Variants in JADE3 observed in about 807,000 individuals in gnomAD.
JADE3 encodes the protein jade family PHD finger 3.
A neutral mutation model predicts 50.1 loss-of-function variants in JADE3; 2 were observed. That is an observed-to-expected ratio of 0.04 (90% CI 0.02 to 0.13). JADE3 has a LOEUF of 0.13. JADE3 is among the 10% of genes least tolerant of loss of function. The pLI is 1.00. For missense variants in JADE3, 475 were observed against 634.4 expected, an observed-to-expected ratio of 0.75 and a Z score of 2.70; for synonymous variants, 218 against 232.9, an observed-to-expected ratio of 0.94 and a Z score of 0.58.
chrX:46,940,781 T>G (rs186306930), intron 1 of JADE3, among the ~76,000 whole-genome samples: 1 of 110,859 alleles, frequency 9.0e-6, no homozygotes, highest in East Asian at 2.8e-4. Context: ...CTCCCCTTCT[T>G]TTCAAAGACC....
Position 47,035,073 on chromosome X carries a change from G to A in JADE3, c.855+1285G>A, listed in dbSNP as rs148383179. On this transcript the variant is annotated intron_variant, in intron 7 of 10. Coordinates refer to ENST00000614628, the MANE Select transcript of JADE3 (RefSeq NM_014735.5). ...ATGTACACTAACTTAATTAAAATGG[G>A]GCTTGAAGACATTTCTTCTTATGGC... Among the ~76,000 whole-genome samples the A allele has an allele frequency of 4.7e-3, 521 of 110,059 alleles. 2 individuals are homozygous for A. The highest frequency in any genetic ancestry group is 0.017 in the African/African-American group (501 of 29,898).
At chrX:46,914,328 C>T (rs1222093948) in intron 1 of JADE3, among the ~76,000 whole-genome samples, 1 of 111,790 alleles carries the variant, frequency 8.9e-6, no homozygotes, top group African/African-American at 3.3e-5. Context: ...GGGTCCCGGC[C>T]TTCGTACCCT....
chrX:47,006,725 G>A (rs966317453), intron 4 of JADE3, among the ~76,000 whole-genome samples: 6 of 109,686 alleles, frequency 5.5e-5, no homozygotes, highest in African/African-American at 2.0e-4. Flanking sequence ...TTGATTTGAA[G>A]CTGTTTCTCT....
chrX:46,924,364 A>G (rs782654256), intron 1 of JADE3, among the ~76,000 whole-genome samples: 6 of 112,263 alleles, frequency 5.3e-5, no homozygotes, highest in Non-Finnish European at 9.4e-5. Flanking sequence ...ATATGCTCGG[A>G]TCCTGTGTCT....
chrX:46,985,844 C>T, intron 3 of JADE3, 52 bp downstream of exon 3: 1 of 808,027 alleles, frequency 1.2e-6, no homozygotes. Flanking sequence ...GGATGCTTGT[C>T]TTCCAAAACC....
chrX:47,018,377 A>C (rs1372286328), intron 4 of JADE3, among the ~76,000 whole-genome samples: 1 of 108,787 alleles, frequency 9.2e-6, no homozygotes, highest in Non-Finnish European at 1.9e-5. Flanking sequence ...TCTGTCACCC[A>C]GGCTGGAGTG....
chrX:46,934,615 A>G (rs1926573736), intron 1 of JADE3, among the ~76,000 whole-genome samples: 1 of 103,879 alleles, frequency 9.6e-6, no homozygotes. Context: ...TTGTATTTTT[A>G]GTAGATGTGA....
chrX:46,991,875 G>T (rs1556356083), intron 3 of JADE3, among the ~76,000 whole-genome samples: 1 of 111,131 alleles, frequency 9.0e-6, no homozygotes, highest in Non-Finnish European at 1.9e-5. Context: ...TAGAGGGTAT[G>T]GGGGAGGGGC....
rs782684870 is a variant in JADE3, at chrX:47,059,016, G to C, written c.2411G>C (p.Arg804Thr). Residue 804 changes from arginine to threonine, a missense_variant, in exon 11 of 11, where the codon AGA (arginine) becomes ACA (threonine). Physicochemically the swap from Arg to Thr is moderately conservative, Grantham distance 71. Transcript: ENST00000614628. ...AGGGAAAATCCTCCCCATGACTCTAGACGGGATTGCCATGGTAAAAGCAAG... is the reference window on the plus strand; with the variant it reads ...AGGGAAAATCCTCCCCATGACTCTACACGGGATTGCCATGGTAAAAGCAAG... ...SDRENPPHDS[R>T]RDCHGKSKTH... The C allele has an allele frequency of 8.3e-7, 1 of 1,206,764 alleles. No individual in the cohort carries two copies. Among genetic ancestry groups the C allele is most frequent in the African/African-American group, 1.7e-5 (1 of 57,165 alleles).
intron 1 of JADE3, among the ~76,000 whole-genome samples, chrX:46,939,417 A>T (rs984983262): frequency 5.4e-5 from 6 of 111,669 alleles, no homozygotes; most frequent in Non-Finnish European, 1.1e-4. Flanking sequence ...ACAGTGAAAT[A>T]TATAAGTATT....
At chrX:46,919,834 T>C (rs1239607974) in intron 1 of JADE3, among the ~76,000 whole-genome samples, 1 of 111,399 alleles carries the variant, frequency 9.0e-6, no homozygotes, top group African/African-American at 3.3e-5. Context: ...TCTCTGACAT[T>C]TTAAAAGTCA....
At chrX:47,005,996 C>T (rs781806821) in intron 4 of JADE3, among the ~76,000 whole-genome samples, 1 of 111,261 alleles carries the variant, frequency 9.0e-6, no homozygotes, top group African/African-American at 3.3e-5. Flanking sequence ...CTCATAATGC[C>T]CCAAATGTCT....
At chrX:46,968,596 A>G (rs1342299500) in intron 1 of JADE3, among the ~76,000 whole-genome samples, 3 of 111,291 alleles carry the variant, frequency 2.7e-5, no homozygotes, top group Non-Finnish European at 5.7e-5. Context: ...AAATGGATGG[A>G]AAAAAAATAT....
intron 1 of JADE3, among the ~76,000 whole-genome samples, chrX:46,942,021 G>A (rs1257074390): frequency 9.1e-6 from 1 of 110,181 alleles, no homozygotes; most frequent in African/African-American, 3.3e-5. Flanking sequence ...GGGATTACAG[G>A]CGTGAGCCAT....
intron 7 of JADE3, 127 bp downstream of exon 7, chrX:47,033,915 C>T: frequency 1.8e-6 from 1 of 550,751 alleles, no homozygotes; most frequent in Non-Finnish European, 2.8e-6. Context: ...AGTAATAGTA[C>T]TTCCACTTGA....
At position 47,058,768 on chromosome X, in the gene JADE3, T is replaced by G. The variant is rs782295483; in HGVS notation, c.2163T>G (p.Asn721Lys). The change falls in exon 11 of 11, where the codon AAT becomes AAG. Residue 721 changes from asparagine (N) to lysine (K), a missense_variant. By Grantham distance (94) the Asn-to-Lys change is moderately conservative (BLOSUM62 0). Coordinates refer to ENST00000614628, the MANE Select transcript of JADE3 (RefSeq NM_014735.5). ...HFSRSFKETT[N>K]RWVKNTEDLQ... ...GTAGGTCCTTTAAAGAGACCACCAA[T>G]AGGTGGGTGAAGAACACAGAGGACC... 8.3e-7 allele frequency: 1 copy of G among 1,208,966 alleles called. No homozygotes were observed. The highest frequency in any genetic ancestry group is 2.2e-5 in the Admixed American group (1 of 45,947).
rs113106775 is a variant in JADE3, at chrX:46,936,229, A to G, written c.-12+23510A>G. Among the ~76,000 whole-genome samples, 626 of 110,605 alleles carry G rather than the reference A, an allele frequency of 5.7e-3. 8 individuals are homozygous for G. The highest frequency in any genetic ancestry group is 0.019 in the African/African-American group (569 of 30,319). Reference sequence around the variant, plus strand: ...AAACGGGGTTTCGCCATGTTGGCCAAGCTGGTCTTGAATTCCTGATCTCAG... The same window carrying G: ...AAACGGGGTTTCGCCATGTTGGCCAGGCTGGTCTTGAATTCCTGATCTCAG... On this transcript the variant is annotated intron_variant, in intron 1 of 10. Coordinates refer to ENST00000614628, the MANE Select transcript of JADE3 (RefSeq NM_014735.5).
chrX:46,966,497 GA>G lies in JADE3; in HGVS notation c.-11-18380del, dbSNP rs782685412. Among the ~76,000 whole-genome samples the G allele has an allele frequency of 1.2e-3, 135 of 110,747 alleles. 2 individuals carry two copies. In the Middle Eastern group the frequency reaches 0.019, roughly 15 times the overall value. On this transcript the variant is annotated intron_variant, in intron 1 of 10. Transcript: ENST00000614628. Reference sequence around the variant, plus strand: ...ATCACCTACAAGATGGTTAGAGGAAGAAAAAAAGTGTTAGCAACACAGGGAA... The same window carrying G: ...ATCACCTACAAGATGGTTAGAGGAAGAAAAAAGTGTTAGCAACACAGGGAA...
chrX:46,923,113 A>G (rs959342748), intron 1 of JADE3, among the ~76,000 whole-genome samples: 1 of 107,683 alleles, frequency 9.3e-6, no homozygotes, highest in African/African-American at 3.4e-5. Flanking sequence ...CCTGGGCTCA[A>G]GCTATCCTCC....
Sources: allele counts gnomAD v4.1 joint callset (sites outside exome capture counted in the v4.1 genomes callset), GRCh38; gene constraint gnomAD v4.1.1; transcripts MANE v1.5; gene names NCBI Gene and HGNC (gene_info 2026-07-23, HGNC 2026-07-21).